The following DNAJC15 variants were observed in gnomAD, a reference collection of about 807,000 sequenced individuals.
DNAJC15 encodes the protein dnaJ homolog subfamily C member 15.
A neutral mutation model predicts 22.4 loss-of-function variants in DNAJC15; 27 were observed. The ratio of observed to expected loss-of-function variants is 1.20; its 90% CI spans 0.89 to 1.66. The LOEUF (loss-of-function observed/expected upper bound fraction) is 1.66. Ranked by LOEUF, DNAJC15 falls within the 40% of genes most tolerant of loss-of-function variation. The pLI, the probability that DNAJC15 is intolerant of heterozygous loss-of-function variation, is 0.00. For missense variants in DNAJC15, 208 were observed against 187.1 expected (o/e 1.11, Z -0.65); for synonymous variants, 79 against 63.2 (o/e 1.25, Z -1.19).
intron 3 of DNAJC15, among the ~76,000 whole-genome samples, chr13:43,070,775 A>C (rs1015742990): frequency 6.6e-6 from 1 of 152,172 alleles, no homozygotes; most frequent in Non-Finnish European, 1.5e-5. Context: ...ATGAAAAAAA[A>C]CTTCAAATTT....
At chr13:43,039,541 A>G (rs2153439758) in intron 1 of DNAJC15, among the ~76,000 whole-genome samples, 1 of 152,308 alleles carries the variant, frequency 6.6e-6, no homozygotes, top group East Asian at 1.9e-4. Context: ...AGGGAAGGCT[A>G]ATTTGAAGAC....
In DNAJC15 at chr13:43,071,876, C is replaced by T. The variant is rs574030159; in HGVS notation, c.234+2873C>T. 3.3e-5 allele frequency among the ~76,000 whole-genome samples: 5 copies of T among 152,044 alleles called. No individual in the cohort carries two copies. In the South Asian group the frequency reaches 6.2e-4, roughly 19 times the overall value. The stretch of plus-strand genomic sequence containing the variant: ...TTTTTTTCATCTTGCTGAAATAGTG[C>T]CTTGGATAAGTCTTTTATATGGAAT... On this transcript the variant is annotated intron_variant, in intron 3 of 5. Transcript: ENST00000379221.
rs768530623 is a variant in DNAJC15, at chr13:43,108,400, A to G, written c.*1152A>G. ...TTAATTTCTTAGAACATAGTCCCTGATCATTATCACTTTACTATTCCAAAG... is the reference window on the plus strand; with the variant it reads ...TTAATTTCTTAGAACATAGTCCCTGGTCATTATCACTTTACTATTCCAAAG... On this transcript the variant is annotated 3_prime_UTR_variant, in exon 6 of 6. Transcript: ENST00000379221. 1.1e-4 allele frequency: 17 copies of G among 152,326 alleles called. No individual in the cohort carries two copies. The highest frequency in any genetic ancestry group is 1.9e-4 in the Non-Finnish European group (13 of 68,012). The allele number at this position is 152,326 out of a possible 1,614,324, so 9.4% of individuals were successfully genotyped here. A position where few individuals can be genotyped will look rare whatever the true frequency, so the allele number is the denominator to read the frequency against.
intron 1 of DNAJC15, among the ~76,000 whole-genome samples, chr13:43,030,521 G>A (rs1256134248): frequency 6.6e-6 from 1 of 152,154 alleles, no homozygotes; most frequent in African/African-American, 2.4e-5. Context: ...CAAATTTGGA[G>A]CAAATTTAAA....
intron 1 of DNAJC15, among the ~76,000 whole-genome samples, chr13:43,037,187 G>A (rs918655147): frequency 6.6e-6 from 1 of 152,214 alleles, no homozygotes; most frequent in Non-Finnish European, 1.5e-5. Context: ...AAGTAAAATC[G>A]GTTGCTGTAA....
intron 5 of DNAJC15, among the ~76,000 whole-genome samples, chr13:43,103,889 G>C (rs73190336): frequency 0.26 from 39,240 of 151,834 alleles, 5,250 homozygotes; most frequent in Non-Finnish European, 0.3. Flanking sequence ...TGTGAAATTG[G>C]CTGTTTTATT....
chr13:43,102,475 A>T (rs527489829), intron 5 of DNAJC15, among the ~76,000 whole-genome samples: 1 of 152,066 alleles, frequency 6.6e-6, no homozygotes, highest in African/African-American at 2.4e-5. Context: ...ACTTATTGAC[A>T]TGATTATGTA....
chr13:43,059,465 A>G (rs985630877), intron 1 of DNAJC15, among the ~76,000 whole-genome samples: 2 of 152,040 alleles, frequency 1.3e-5, no homozygotes, highest in Non-Finnish European at 2.9e-5. Flanking sequence ...CCCGGGTTCA[A>G]GCGATTCTCC....
intron 1 of DNAJC15, among the ~76,000 whole-genome samples, chr13:43,063,225 G>A (rs1277820593): frequency 1.3e-5 from 2 of 152,212 alleles, no homozygotes; most frequent in Non-Finnish European, 2.9e-5. Context: ...GGCAAGGCTG[G>A]TCTTGAAATT....
chr13:43,073,961 CT>C (rs66526237), intron 3 of DNAJC15, among the ~76,000 whole-genome samples: 34,254 of 145,982 alleles, frequency 0.23, 4,465 homozygotes, highest in Non-Finnish European at 0.31. Context: ...CATCCTTCTT[CT>C]TTTTTTTTTG....
intron 5 of DNAJC15, among the ~76,000 whole-genome samples, chr13:43,090,071 T>TAG (rs1277887550): frequency 6.6e-6 from 1 of 152,210 alleles, no homozygotes; most frequent in African/African-American, 2.4e-5. Context: ...AAGAAAAACT[T>TAG]CAGACAAATT....
intron 1 of DNAJC15, among the ~76,000 whole-genome samples, chr13:43,030,546 C>T (rs572191314): frequency 6.6e-6 from 1 of 152,320 alleles, no homozygotes; most frequent in Non-Finnish European, 1.5e-5. Context: ...CAATTAAAGA[C>T]AGTTTCTCTA....
intron 1 of DNAJC15, among the ~76,000 whole-genome samples, chr13:43,038,378 G>C (rs1191892929): frequency 6.6e-6 from 1 of 152,212 alleles, no homozygotes. Flanking sequence ...CTGCGTACTG[G>C]AGGTATGACA....
chr13:43,026,144 A>C (rs981754915), intron 1 of DNAJC15, among the ~76,000 whole-genome samples: 1 of 152,214 alleles, frequency 6.6e-6, no homozygotes, highest in African/African-American at 2.4e-5. Flanking sequence ...AATGGTGAAC[A>C]ATTTCTGGTA....
intron 5 of DNAJC15, among the ~76,000 whole-genome samples, chr13:43,106,393 G>A (rs768083627): frequency 6.6e-6 from 1 of 152,030 alleles, no homozygotes; most frequent in Non-Finnish European, 1.5e-5. Context: ...TTGTATGTAG[G>A]TTCTGTTTGT....
chr13:43,107,375 C>A lies in DNAJC15; in HGVS notation c.*127C>A. 3 of 629,468 alleles carry A rather than the reference C, an allele frequency of 4.8e-6. No individual in the cohort carries two copies. Among genetic ancestry groups the A allele is most frequent in the Non-Finnish European group, 7.3e-6 (3 of 408,988 alleles). The allele number at this position is 629,468 out of a possible 1,614,324, so 39.0% of individuals were successfully genotyped here. A position where few individuals can be genotyped will look rare whatever the true frequency, so the allele number is the denominator to read the frequency against. ...GATTGACCACAGTCTTATCTTCCAC[C>A]ATTAAGCTGTATAACAATAAAATGT... On this transcript the variant is annotated 3_prime_UTR_variant, in exon 6 of 6. Transcript: ENST00000379221.
intron 1 of DNAJC15, among the ~76,000 whole-genome samples, chr13:43,064,435 A>G (rs1045740063): frequency 3.9e-5 from 6 of 152,164 alleles, no homozygotes; most frequent in Non-Finnish European, 1.5e-5. Context: ...GTCTGCACCA[A>G]TGAAGAAGTC....
chr13:43,028,850 CTG>C (rs995771326), intron 1 of DNAJC15, among the ~76,000 whole-genome samples: 5 of 152,030 alleles, frequency 3.3e-5, no homozygotes, highest in African/African-American at 1.2e-4. Flanking sequence ...TTGTTTTATA[CTG>C]TGTGTTTCCT....
At chr13:43,030,694 A>C (rs2040400622) in intron 1 of DNAJC15, among the ~76,000 whole-genome samples, 1 of 152,166 alleles carries the variant, frequency 6.6e-6, no homozygotes, top group Admixed American at 6.5e-5. Context: ...TTTTTTCCTC[A>C]AGGGACTTGA....
Sources: allele counts gnomAD v4.1 joint callset (sites outside exome capture counted in the v4.1 genomes callset), GRCh38; gene constraint gnomAD v4.1.1; transcripts MANE v1.5; gene names NCBI Gene and HGNC (gene_info 2026-07-23, HGNC 2026-07-21).